The following NFIA variants were observed in gnomAD, a reference collection of about 807,000 sequenced individuals.
NFIA encodes nuclear factor 1 A-type.
NFIA carries 8 observed loss-of-function variants against 62.8 expected under a neutral mutation model. The observed-to-expected ratio is 0.13, with a 90% CI of 0.07 to 0.23. The LOEUF is 0.23. Ranked by LOEUF, NFIA falls within the 10% of genes least tolerant of loss-of-function variation. The pLI is 1.00. For synonymous variants in NFIA, 235 were observed against 238.1 expected, an observed-to-expected ratio of 0.99 and a Z score of 0.12; for missense variants, 410 against 642.1, an observed-to-expected ratio of 0.64 and a Z score of 3.91.
chr1:61,403,664 A>G (rs1665677557), intron 7 of NFIA, among the ~76,000 whole-genome samples: 1 of 152,202 alleles, frequency 6.6e-6, no homozygotes, highest in East Asian at 1.9e-4. Context: ...AAAGGGGTAT[A>G]AGAGGTTTAA....
intron 2 of NFIA, among the ~76,000 whole-genome samples, chr1:61,103,667 G>A (rs1478021691): frequency 6.6e-6 from 1 of 152,122 alleles, no homozygotes; most frequent in Non-Finnish European, 1.5e-5. Context: ...AACAAAACAA[G>A]AACTTGAGAA....
Position 61,406,543 on chromosome 1 carries a change from G to GCCCCCCCCCCCCCCCCCCCCCCC in NFIA, c.1255-5_1255-4insCCCCCCCCCCCCCCCCCCCCCCC. On this transcript the variant is annotated intron_variant, in intron 8 of 10. Coordinates refer to ENST00000403491, the MANE Select transcript of NFIA (RefSeq NM_001134673.4). Reference sequence around the variant, plus strand: ...TCTTTTTCTTGTACGTGTGTTTTCTGCCCCCCCCCCCCCCACAGCCCAATG... The same window carrying GCCCCCCCCCCCCCCCCCCCCCCC: ...TCTTTTTCTTGTACGTGTGTTTTCTGCCCCCCCCCCCCCCCCCCCCCCCCCCCCCCCCCCCCCACAGCCCAATG... 1 of 876,654 alleles carries GCCCCCCCCCCCCCCCCCCCCCCC rather than the reference G, an allele frequency of 1.1e-6. No homozygotes were observed. The allele number at this position is 876,654 out of a possible 1,614,324, so 54.3% of individuals were successfully genotyped here. A position where few individuals can be genotyped will look rare whatever the true frequency, so the allele number is the denominator to read the frequency against.
chr1:61,400,160 A>G (rs1665479971), intron 7 of NFIA, among the ~76,000 whole-genome samples: 1 of 152,220 alleles, frequency 6.6e-6, no homozygotes. Flanking sequence ...TCATTTTGTA[A>G]TAAATAGCTG....
chr1:61,321,880 ACTTT>A (rs1490787559), intron 3 of NFIA, among the ~76,000 whole-genome samples: 3 of 152,184 alleles, frequency 2.0e-5, no homozygotes, highest in Non-Finnish European at 2.9e-5. Flanking sequence ...AAACTCATGA[ACTTT>A]CTTTCTATGA....
At chr1:61,194,407 C>T (rs1651854614) in intron 2 of NFIA, among the ~76,000 whole-genome samples, 2 of 152,116 alleles carry the variant, frequency 1.3e-5, no homozygotes, top group Admixed American at 1.3e-4. Context: ...TTTCTGAAGA[C>T]ATCAGTAGTG....
intron 2 of NFIA, among the ~76,000 whole-genome samples, chr1:61,118,089 A>T (rs1242673338): frequency 6.6e-6 from 1 of 151,786 alleles, no homozygotes; most frequent in Non-Finnish European, 1.5e-5. Flanking sequence ...GGAGGTTGAG[A>T]CAGGAGAATC....
In NFIA at chr1:61,082,630, A is replaced by T; in HGVS notation, c.-162A>T. 1 of 1,507,506 alleles carries T rather than the reference A, an allele frequency of 6.6e-7. No individual in the cohort carries two copies. Among genetic ancestry groups the T allele is most frequent in the Non-Finnish European group, 8.9e-7 (1 of 1,122,642 alleles). The allele number at this position is 1,507,506 out of a possible 1,614,324, so 93.4% of individuals were successfully genotyped here. A position where few individuals can be genotyped will look rare whatever the true frequency, so the allele number is the denominator to read the frequency against. On this transcript the variant is annotated 5_prime_UTR_variant, in exon 1 of 11. It removes an upstream start codon present in the reference 5' UTR. Transcript: ENST00000403491. ...TGGCTGCAGTTGAGCCGACTTGGAA[A>T]TGTGAACGCAAGAAGCAGGCTTGAT...
At chr1:61,427,682 C>T (rs777613631) in intron 10 of NFIA, among the ~76,000 whole-genome samples, 4 of 152,162 alleles carry the variant, frequency 2.6e-5, no homozygotes, top group African/African-American at 7.2e-5. Context: ...CTTCCTCACA[C>T]TGAAGCAGGG....
In NFIA at chr1:61,294,073, C is replaced by A. The variant is rs533145485; in HGVS notation, c.625+16488C>A. Among the ~76,000 whole-genome samples, 14 of 152,300 alleles carry A rather than the reference C, an allele frequency of 9.2e-5. No homozygotes were observed. The South Asian group carries it at 2.7e-3, about 29-fold the overall frequency. On this transcript the variant is annotated intron_variant, in intron 3 of 10. Transcript: ENST00000403491. ...CCAGTGGTCAGATTCCCACATTTTC[C>A]TGCTGACCACTTGGTCACTTTGACA...
At chr1:61,166,360 A>G (rs1461570873) in intron 2 of NFIA, among the ~76,000 whole-genome samples, 2 of 152,114 alleles carry the variant, frequency 1.3e-5, no homozygotes, top group East Asian at 3.9e-4. Context: ...CTTGCCTGAG[A>G]TATGTATTCA....
intron 9 of NFIA, among the ~76,000 whole-genome samples, chr1:61,408,774 T>C (rs182800674): frequency 2.6e-5 from 4 of 152,352 alleles, no homozygotes; most frequent in Admixed American, 6.5e-5. Context: ...TGTGTTTCTC[T>C]TTGAATCAAT....
chr1:61,231,821 C>T (rs1035631461), intron 2 of NFIA, among the ~76,000 whole-genome samples: 2 of 151,732 alleles, frequency 1.3e-5, no homozygotes, highest in African/African-American at 4.9e-5. Flanking sequence ...GCCTGGGTAA[C>T]ACAGAGAGAC....
chr1:61,265,102 G>A (rs1657077058), intron 2 of NFIA, among the ~76,000 whole-genome samples: 1 of 152,154 alleles, frequency 6.6e-6, no homozygotes, highest in South Asian at 2.1e-4. Context: ...CATCTTTGAA[G>A]TTTTGTAATT....
intron 2 of NFIA, among the ~76,000 whole-genome samples, chr1:61,208,681 T>A (rs1304962333): frequency 6.6e-6 from 1 of 152,202 alleles, no homozygotes. Context: ...AGACATTGCT[T>A]ATGAACCTTA....
chr1:61,289,091 A>T (rs567495366), intron 3 of NFIA, among the ~76,000 whole-genome samples: 1 of 152,230 alleles, frequency 6.6e-6, no homozygotes, highest in Non-Finnish European at 1.5e-5. Flanking sequence ...GAAAATTTTG[A>T]CCATGCCAAT....
rs1407375193 is a variant in NFIA, at chr1:61,239,736, C to T, written c.560-37784C>T. 2.0e-5 allele frequency among the ~76,000 whole-genome samples: 3 copies of T among 152,064 alleles called. No homozygotes were observed. The South Asian group carries it at 6.2e-4, about 31-fold the overall frequency. On this transcript the variant is annotated intron_variant, in intron 2 of 10. Coordinates refer to ENST00000403491, the MANE Select transcript of NFIA (RefSeq NM_001134673.4). The stretch of plus-strand genomic sequence containing the variant: ...TTAATATATTATTCGAAATAATTGT[C>T]AAATATTTGAACAATAATATTTAAG...
chr1:61,222,560 T>C (rs982907784), intron 2 of NFIA, among the ~76,000 whole-genome samples: 6 of 152,124 alleles, frequency 3.9e-5, no homozygotes, highest in Admixed American at 2.0e-4. Context: ...CCCTGAGAGC[T>C]GAGAGGTATA....
At chr1:61,276,376 T>G (rs1294039132) in intron 2 of NFIA, among the ~76,000 whole-genome samples, 1 of 152,212 alleles carries the variant, frequency 6.6e-6, no homozygotes, top group African/African-American at 2.4e-5. Context: ...AAGTAATATT[T>G]TCTGTTTAAT....
chr1:61,408,316 C>T (rs1037666717), intron 9 of NFIA, among the ~76,000 whole-genome samples: 3 of 152,198 alleles, frequency 2.0e-5, no homozygotes, highest in African/African-American at 7.2e-5. Flanking sequence ...GAAGGAAAGC[C>T]TCTGCTTCTC....
Sources: allele counts gnomAD v4.1 joint callset (sites outside exome capture counted in the v4.1 genomes callset), GRCh38; gene constraint gnomAD v4.1.1; transcripts MANE v1.5; gene names NCBI Gene and HGNC (gene_info 2026-07-23, HGNC 2026-07-21).